ARK2C: variants seen among roughly 807,000 people sequenced by gnomAD.
ARK2C encodes the protein E3 ubiquitin-protein ligase ARK2C.
At chr18:46,334,166 C>T in the ARK2C span, 1 of 583,498 alleles carries the variant, frequency 1.7e-6, no homozygotes, top group Non-Finnish European at 2.1e-6. This position sits in a 1 kb window ranked among gnomAD's most constrained non-coding sequence, Gnocchi z 4.4. Context: ...CTCCGCCTCC[C>T]GCCCCGGCGG....
At chr18:46,403,244 C>T in the ARK2C span, among the ~76,000 whole-genome samples, 1 of 152,170 alleles carries the variant, frequency 6.6e-6, no homozygotes, top group East Asian at 1.9e-4. Flanking sequence ...CTCCCAGACT[C>T]GAATCTATTC....
At chr18:46,392,300 C>T in the ARK2C span, among the ~76,000 whole-genome samples, 93 of 152,340 alleles carry the variant, frequency 6.1e-4, no homozygotes, top group Non-Finnish European at 5.1e-4. Context: ...GGATGCCCCC[C>T]GCTCCCTGAA....
At chr18:46,357,826 C>T in the ARK2C span, among the ~76,000 whole-genome samples, 1 of 152,220 alleles carries the variant, frequency 6.6e-6, no homozygotes, top group Non-Finnish European at 1.5e-5. Flanking sequence ...GGCTAGAAGG[C>T]TGCAATCAAG....
chr18:46,417,819 C>T, the ARK2C span, among the ~76,000 whole-genome samples: 2 of 152,098 alleles, frequency 1.3e-5, no homozygotes, highest in African/African-American at 4.8e-5. Flanking sequence ...GCCTGGCCAA[C>T]ATGGTGAAAC....
chr18:46,363,063 G>C, the ARK2C span, among the ~76,000 whole-genome samples: 4 of 152,308 alleles, frequency 2.6e-5, no homozygotes, highest in South Asian at 8.3e-4. Flanking sequence ...CATGAGTTTT[G>C]CCTGATTTGT....
the ARK2C span, among the ~76,000 whole-genome samples, chr18:46,344,639 C>T: frequency 1.3e-5 from 2 of 152,060 alleles, no homozygotes; most frequent in African/African-American, 2.4e-5. Context: ...GGGCTCATTC[C>T]CTGGAGGGGC....
At chr18:46,337,133 A>G in the ARK2C span, 1 of 985,298 alleles carries the variant, frequency 1.0e-6, no homozygotes, top group African/African-American at 1.7e-5. Context: ...ATAATAAAAG[A>G]ATAAGGCCCC....
At chr18:46,427,605 G>A in the ARK2C span, among the ~76,000 whole-genome samples, 5 of 152,178 alleles carry the variant, frequency 3.3e-5, no homozygotes, top group African/African-American at 7.2e-5. Flanking sequence ...TTCCCGTTCC[G>A]TTTCAAACCA....
chr18:46,451,126 G>A, the ARK2C span, among the ~76,000 whole-genome samples: 1 of 152,136 alleles, frequency 6.6e-6, no homozygotes, highest in Non-Finnish European at 1.5e-5. Context: ...TAAATGAGAT[G>A]GGGAAAGGGG....
At chr18:46,401,947 T>A in the ARK2C span, among the ~76,000 whole-genome samples, 4 of 152,112 alleles carry the variant, frequency 2.6e-5, no homozygotes, top group Admixed American at 2.0e-4. Context: ...AGAAAAAAAA[T>A]TAAACACTAC....
the ARK2C span, among the ~76,000 whole-genome samples, chr18:46,361,934 C>A: frequency 1.2e-4 from 19 of 152,352 alleles, no homozygotes; most frequent in Non-Finnish European, 2.4e-4. Flanking sequence ...GCCCCGTTTC[C>A]CCACTTACAG....
At chr18:46,404,076 G>T in the ARK2C span, among the ~76,000 whole-genome samples, 5 of 152,056 alleles carry the variant, frequency 3.3e-5, no homozygotes. Context: ...TTGTCAAGGT[G>T]TTTTTACATT....
At chr18:46,342,489 A>T in the ARK2C span, among the ~76,000 whole-genome samples, 2 of 152,218 alleles carry the variant, frequency 1.3e-5, no homozygotes, top group Admixed American at 6.5e-5. Flanking sequence ...TTTGAGAGAC[A>T]GGGAGGGTGC....
the ARK2C span, among the ~76,000 whole-genome samples, chr18:46,428,146 C>T: frequency 3.3e-5 from 5 of 151,650 alleles, no homozygotes; most frequent in Admixed American, 6.6e-5. Context: ...CGCAGTGGCT[C>T]ACGTCTGTAA....
the ARK2C span, among the ~76,000 whole-genome samples, chr18:46,363,918 CTTTTCTT>C: frequency 6.8e-6 from 1 of 147,136 alleles, no homozygotes; most frequent in Non-Finnish European, 1.5e-5. Context: ...TTTTCTTTTT[CTTTTCTT>C]TTTTTTTCTT....
At chr18:46,429,279 C>T in the ARK2C span, among the ~76,000 whole-genome samples, 13 of 152,158 alleles carry the variant, frequency 8.5e-5, no homozygotes, top group East Asian at 1.9e-4. Flanking sequence ...GTGACATGCA[C>T]GTAATATACA....
the ARK2C span, among the ~76,000 whole-genome samples, chr18:46,404,728 G>A: frequency 6.6e-6 from 1 of 151,916 alleles, no homozygotes; most frequent in Non-Finnish European, 1.5e-5. Context: ...ACTCCAGCCT[G>A]GGGCACAGAG....
At chr18:46,398,962 T>C in the ARK2C span, among the ~76,000 whole-genome samples, 1 of 152,142 alleles carries the variant, frequency 6.6e-6, no homozygotes, top group Admixed American at 6.5e-5. Flanking sequence ...AGGGAGCTCT[T>C]GTTAAAGGGC....
At chr18:46,418,991 G>A in the ARK2C span, among the ~76,000 whole-genome samples, 1 of 152,220 alleles carries the variant, frequency 6.6e-6, no homozygotes, top group Non-Finnish European at 1.5e-5. Context: ...GAGAGAGAGA[G>A]CAATGCTTAA....
Sources: gnomAD v4.1 joint callset for allele counts (sites outside exome capture counted in the v4.1 genomes callset) on GRCh38, gnomAD v4.1.1 for gene constraint, Gnocchi (gnomAD v3.1) non-coding constraint, MANE v1.5 for transcripts, NCBI Gene and HGNC (gene_info 2026-07-23, HGNC 2026-07-21) for gene names.